Variants in CLDN19 observed in about 807,000 individuals in gnomAD.
CLDN19 encodes the protein claudin 19.
Under a neutral mutation model 24.5 loss-of-function variants are expected in CLDN19, and 19 were observed. The observed-to-expected ratio is 0.78, with a 90% CI of 0.54 to 1.14. The LOEUF (loss-of-function observed/expected upper bound fraction) is 1.14, where lower values mean the gene tolerates loss of function less well. CLDN19 is among the 50% of genes most tolerant of loss of function. The pLI is 0.00. For synonymous variants in CLDN19, 117 were observed against 129.6 expected (o/e 0.90, Z 0.66); for missense variants, 250 against 295.9 (o/e 0.84, Z 1.14).
In CLDN19 at chr1:42,738,495, G is replaced by A. The variant is rs200640147; in HGVS notation, c.314C>T (p.Thr105Met). The part of the protein sequence containing the change: ...MVLSVVGMKC[T>M]RVGDSNPIAK... ...AATGGGGTTGCTGTCTCCCACCCGC[G>A]TACACTTCATGCCAACTACGCTGAG... Residue 105 changes from threonine (T) to methionine (M), a missense_variant, in exon 2 of 5, where the codon ACG (threonine) becomes ATG (methionine). Physicochemically the swap from Thr to Met is moderately conservative, Grantham distance 81 (BLOSUM62 -1). Transcript: ENST00000296387. 37 of 1,614,032 alleles carry A rather than the reference G, an allele frequency of 2.3e-5. No individual in the cohort carries two copies. The highest frequency in any genetic ancestry group is 9.3e-5 in the African/African-American group (7 of 75,048).
intron 3 of CLDN19, 55 bp downstream of exon 3, chr1:42,738,174 A>T: frequency 7.2e-7 from 1 of 1,380,064 alleles, no homozygotes. Flanking sequence ...TCCAGTGGAC[A>T]AAGGTCAGTG....
chr1:42,736,665 T>A (rs1651384060), intron 3 of CLDN19, among the ~76,000 whole-genome samples: 1 of 152,208 alleles, frequency 6.6e-6, no homozygotes. Context: ...GGGTCTTTCC[T>A]TGACATCCTC....
chr1:42,734,821 G>A lies in CLDN19; in HGVS notation c.*265C>T, dbSNP rs1169660133. 1 of 474,650 alleles carries A rather than the reference G, an allele frequency of 2.1e-6. No homozygotes were observed. The highest frequency in any genetic ancestry group is 3.8e-6 in the Non-Finnish European group (1 of 261,944). 29.4% of individuals were successfully genotyped at this position (474,650 alleles called of 1,614,324 possible). ...GCCAGGCTTGGGAGGGGGGTCCCTA[G>A]ACAGAGGGTAGGACCTCTGAATTAT... On this transcript the variant is annotated 3_prime_UTR_variant, in exon 5 of 5. Transcript: ENST00000296387.
chr1:42,740,235 G>A lies in CLDN19; in HGVS notation c.-172C>T. 1.5e-6 allele frequency: 1 copy of A among 669,212 alleles called. No homozygotes were observed. Among genetic ancestry groups the A allele is most frequent in the Admixed American group, 2.1e-5 (1 of 47,820 alleles). The allele number at this position is 669,212 out of a possible 1,614,324, so 41.5% of individuals were successfully genotyped here. ...GGCGGCAGCGGCTGGAGCAAAGGCA[G>A]TGGCTCTGGACTCCAGAATGCAGGG... On this transcript the variant is annotated 5_prime_UTR_variant, in exon 1 of 5. Transcript: ENST00000296387.
At chr1:42,735,542 C>T (rs1403329333) in intron 4 of CLDN19, 2 of 1,418,868 alleles carry the variant, frequency 1.4e-6, no homozygotes, top group African/African-American at 2.9e-5. Context: ...TAGCAGACAC[C>T]CAAGCAGCTC....
intron 2 of CLDN19, 24 bp downstream of exon 2, chr1:42,738,397 T>G (rs148543828): frequency 2.5e-6 from 4 of 1,613,846 alleles, no homozygotes; most frequent in Admixed American, 1.7e-5. Context: ...TGGTTGTGAT[T>G]GTGCAGGAGT....
chr1:42,735,563 A>G (rs1651332665), intron 4 of CLDN19: 1 of 1,420,918 alleles, frequency 7.0e-7, no homozygotes, highest in African/African-American at 1.4e-5. Context: ...TTCAGTGAGT[A>G]AACAGCCGGG....
chr1:42,735,376 C>T (rs1570441990), intron 4 of CLDN19: 26 of 1,435,186 alleles, frequency 1.8e-5, no homozygotes, highest in Non-Finnish European at 2.4e-5. Context: ...CAGACCCTCC[C>T]TGTCCTTGTG....
At chr1:42,736,085 C>T in intron 3 of CLDN19, 55 bp from the exon 4 acceptor site, 2 of 1,216,044 alleles carry the variant, frequency 1.6e-6, no homozygotes, top group Non-Finnish European at 2.4e-6. Flanking sequence ...AGGTTGTTCC[C>T]AGTCCCTGCC....
rs544361263 is a variant in CLDN19 at position 42,733,685 on chromosome 1, A to G, written c.*1401T>C. 1 of 152,338 alleles carries G rather than the reference A, an allele frequency of 6.6e-6. No homozygotes were observed. Among genetic ancestry groups the G allele is most frequent in the South Asian group, 2.1e-4 (1 of 4,824 alleles). The allele number at this position is 152,338 out of a possible 1,614,324, so 9.4% of individuals were successfully genotyped here. ...AGAGGGGCAGGACTCTGGGGAACCT[A>G]TTTAGGGTCAGGTGGCCACATCCTC... On this transcript the variant is annotated 3_prime_UTR_variant, in exon 5 of 5. Transcript: ENST00000296387.
rs1320683263 is a variant in CLDN19, at chr1:42,733,527, T to A, written c.*1559A>T. 3.3e-5 allele frequency: 5 copies of A among 152,162 alleles called. No individual in the cohort carries two copies. The highest frequency in any genetic ancestry group is 4.4e-5 in the Non-Finnish European group (3 of 68,086). The allele number at this position is 152,162 out of a possible 1,614,324, so 9.4% of individuals were successfully genotyped here. A position where few individuals can be genotyped will look rare whatever the true frequency, so the allele number is the denominator to read the frequency against. The stretch of plus-strand genomic sequence containing the variant: ...CTGATGCCAGGTCCACCCAGACCAA[T>A]GAAATAAGAGTGTCTGGGGTTGGAG... On this transcript the variant is annotated 3_prime_UTR_variant, in exon 5 of 5. Coordinates refer to ENST00000296387, the MANE Select transcript of CLDN19 (RefSeq NM_148960.3).
chr1:42,735,639 G>C, intron 4 of CLDN19: 1 of 1,432,006 alleles, frequency 7.0e-7, no homozygotes, highest in Non-Finnish European at 9.1e-7. Flanking sequence ...AGACAAGACC[G>C]TGCCTGGACC....
chr1:42,739,288 G>A (rs1283314985), intron 1 of CLDN19, among the ~76,000 whole-genome samples: 5 of 152,178 alleles, frequency 3.3e-5, no homozygotes, highest in African/African-American at 9.7e-5. Flanking sequence ...GAACTTCGGC[G>A]GTGCCTGTCA....
Position 42,738,512 on chromosome 1 carries a change from T to C in CLDN19, c.297A>G (p.Val99=). Residue 99 remains valine (V), a synonymous_variant, in exon 2 of 5, where the codon GTA becomes GTG. Transcript: ENST00000296387. ...CCACCCGCGTACACTTCATGCCAAC[T>C]ACGCTGAGGACCATGGCCACGAAGC... is the stretch of plus-strand genomic sequence containing the variant. ...LLGFVAMVLS[V]VGMKCTRVGD... is the part of the protein sequence containing the mutation. 6 of 1,614,004 alleles carry C rather than the reference T, an allele frequency of 3.7e-6. No homozygotes were observed. Among genetic ancestry groups the C allele is most frequent in the Non-Finnish European group, 5.1e-6 (6 of 1,180,024 alleles).
chr1:42,737,337 C>T (rs997302701), intron 3 of CLDN19, among the ~76,000 whole-genome samples: 1 of 152,364 alleles, frequency 6.6e-6, no homozygotes, highest in South Asian at 2.1e-4. Flanking sequence ...GAAGGACTGC[C>T]GCTGCCTCCA....
chr1:42,735,700 G>C, intron 4 of CLDN19, 178 bp downstream of exon 4: 2 of 1,454,036 alleles, frequency 1.4e-6, no homozygotes, highest in Non-Finnish European at 1.8e-6. Flanking sequence ...GTGTCTCTCT[G>C]AGGATCTGGG....
chr1:42,736,975 C>T (rs916836665), intron 3 of CLDN19, among the ~76,000 whole-genome samples: 2 of 152,206 alleles, frequency 1.3e-5, no homozygotes, highest in Non-Finnish European at 2.9e-5. Context: ...TGCCTCTCAA[C>T]ACCTCTGCCT....
At position 42,740,198 on chromosome 1, in the gene CLDN19, G is replaced by A. The variant is rs1651507077; in HGVS notation, c.-135C>T. ...AGAAGGAGGGTCAGAGGCAGAGAAG[G>A]AGAGGTGGTGCGGCGGCAGCGGCTG... is the stretch of plus-strand genomic sequence containing the variant. On this transcript the variant is annotated 5_prime_UTR_variant, in exon 1 of 5. Transcript: ENST00000296387. The A allele has an allele frequency of 5.5e-6, 4 of 720,782 alleles. No homozygotes were observed. The highest frequency in any genetic ancestry group is 1.5e-5 in the South Asian group (1 of 66,790). The allele number at this position is 720,782 out of a possible 1,614,324, so 44.6% of individuals were successfully genotyped here. A position where few individuals can be genotyped will look rare whatever the true frequency, so the allele number is the denominator to read the frequency against.
At position 42,735,120 on chromosome 1, in the gene CLDN19, A is replaced by G; in HGVS notation, c.641T>C (p.Leu214Ser). 1 of 1,614,076 alleles carries G rather than the reference A, an allele frequency of 6.2e-7. No individual in the cohort carries two copies. The highest frequency in any genetic ancestry group is 1.3e-5 in the African/African-American group (1 of 75,066). ...CAGGGGGCCCTTGGCGGAGGCGGGC[A>G]ATTTAACAACTGGTCTGAAAGTCAA... ...SAAAREPVVK[L>S]PASAKGPLGV Residue 214 changes from leucine (L) to serine (S), a missense_variant, in exon 5 of 5, where the codon TTG becomes TCG. By Grantham distance (145) the Leu-to-Ser change is moderately radical. Coordinates refer to ENST00000296387, the MANE Select transcript of CLDN19 (RefSeq NM_148960.3).
Sources: allele counts gnomAD v4.1 joint callset (sites outside exome capture counted in the v4.1 genomes callset), GRCh38; gene constraint gnomAD v4.1.1; transcripts MANE v1.5; gene names NCBI Gene and HGNC (gene_info 2026-07-23, HGNC 2026-07-21).